The following NEB variants were observed in gnomAD, a reference collection of about 807,000 sequenced individuals.
NEB encodes the protein nebulin.
A neutral mutation model predicts 952.2 loss-of-function variants in NEB; 512 were observed. The observed-to-expected ratio is 0.54, with a 90% confidence interval of 0.50 to 0.58. The LOEUF (loss-of-function observed/expected upper bound fraction) is 0.58, where lower values mean the gene tolerates loss of function less well. NEB is among the 20% of genes least tolerant of loss of function. NEB has a pLI of 0.00. For synonymous variants in NEB, 2,900 were observed against 3,149.8 expected, an observed-to-expected ratio of 0.92 and a Z score of 2.66; for missense variants, 8,428 against 9,231.1, an observed-to-expected ratio of 0.91 and a Z score of 3.56.
chr2:151,634,689 C>G (rs1289082607), intron 64 of NEB, among the ~76,000 whole-genome samples: 1 of 151,678 alleles, frequency 6.6e-6, no homozygotes, highest in East Asian at 1.9e-4. Flanking sequence ...GTGACTGATT[C>G]CTGTAAGGAT....
intron 69 of NEB, 55 bp downstream of exon 69, chr2:151,627,468 G>A (rs1270891965): frequency 1.3e-6 from 2 of 1,586,968 alleles, no homozygotes; most frequent in African/African-American, 1.3e-5. Context: ...CACTGTCTCA[G>A]TATTTCTATG....
At chr2:151,716,245 T>C in intron 10 of NEB, 1 of 339,288 alleles carries the variant, frequency 2.9e-6, no homozygotes, top group Non-Finnish European at 5.7e-6. Flanking sequence ...ATCAAGTGAT[T>C]CTCCTGCCTC....
Position 151,733,114 on chromosome 2 carries a change from A to C in NEB, c.36+7T>G. The C allele has an allele frequency of 6.3e-7, 1 of 1,599,794 alleles. No homozygotes were observed. On this transcript the variant is annotated splice_region_variant and intron_variant, in intron 3 of 181. Coordinates refer to ENST00000397345, the MANE Select transcript of NEB (RefSeq NM_001164508.2). Reference sequence around the variant, plus strand: ...TTTGCTGTCAGTGTTTTTTTTTTAAATCTTACCTCCACCACCTCCTCATAG... The same window carrying C: ...TTTGCTGTCAGTGTTTTTTTTTTAACTCTTACCTCCACCACCTCCTCATAG...
chr2:151,526,498 G>A (rs1168332013), intron 148 of NEB, among the ~76,000 whole-genome samples: 12 of 152,034 alleles, frequency 7.9e-5, no homozygotes, highest in East Asian at 3.9e-4. Context: ...TCACACTTAC[G>A]TTCACAGCAC....
intron 169 of NEB, 26 bp from the exon 170 acceptor site, chr2:151,498,378 C>A: frequency 2.7e-6 from 4 of 1,472,800 alleles, no homozygotes; most frequent in Admixed American, 4.2e-5. Context: ...GCATCCAGAA[C>A]AAAAAAAGCA....
chr2:151,648,845 T>C (rs2098995982), intron 54 of NEB, among the ~76,000 whole-genome samples: 1 of 152,204 alleles, frequency 6.6e-6, no homozygotes, highest in African/African-American at 2.4e-5. Context: ...AAAATGCTAT[T>C]ATTATTTACA....
At chr2:151,693,669 T>C (rs1045899217) in intron 20 of NEB, among the ~76,000 whole-genome samples, 4 of 152,206 alleles carry the variant, frequency 2.6e-5, no homozygotes, top group Admixed American at 6.5e-5. Flanking sequence ...TCTATCGTTG[T>C]TGATTCCTTG....
At chr2:151,616,852 C>T (rs534852023) in intron 75 of NEB, among the ~76,000 whole-genome samples, 305 of 152,204 alleles carry the variant, frequency 2.0e-3, no homozygotes, top group Admixed American at 6.5e-3. Context: ...CTTATTTTTT[C>T]TTATTTTGCT....
In NEB at chr2:151,692,059, A is replaced by G. The variant is rs2099555708; in HGVS notation, c.2106T>C (p.Asp702=). ...CATGAACCATTGTCTTCAAACTTACATCACTGTTTTGAGCTGCAACTTTCA... is the reference window on the plus strand; with the variant it reads ...CATGAACCATTGTCTTCAAACTTACGTCACTGTTTTGAGCTGCAACTTTCA... ...HCMKVAAQNS[D]KSYKAEYEED... is the part of the protein sequence containing the mutation. The change falls in exon 22 of 182, where the codon GAT becomes GAC. Residue 702 remains aspartate, a splice_region_variant and synonymous_variant. Transcript: ENST00000397345. 6.2e-7 allele frequency: 1 copy of G among 1,613,496 alleles called. No homozygotes were observed. The highest frequency in any genetic ancestry group is 8.5e-7 in the Non-Finnish European group (1 of 1,179,418).
intron 161 of NEB, among the ~76,000 whole-genome samples, chr2:151,510,644 ATTG>A (rs2073473932): frequency 6.6e-6 from 1 of 152,188 alleles, no homozygotes; most frequent in Admixed American, 6.5e-5. Flanking sequence ...TATTGTTATA[ATTG>A]TTCTATTTTA....
intron 9 of NEB, among the ~76,000 whole-genome samples, chr2:151,717,900 C>G (rs1157879440): frequency 6.8e-6 from 1 of 146,032 alleles, no homozygotes; most frequent in African/African-American, 2.5e-5. Context: ...GTTGCCCAGG[C>G]TGGAATGCAG....
At chr2:151,591,787 T>G (rs2153869861) in intron 95 of NEB, among the ~76,000 whole-genome samples, 1 of 152,428 alleles carries the variant, frequency 6.6e-6, no homozygotes, top group Non-Finnish European at 1.5e-5. Context: ...GGTATTACTC[T>G]ACGTGTATCT....
intron 24 of NEB, 122 bp downstream of exon 24, chr2:151,690,605 C>A (rs1351278984): frequency 5.1e-6 from 4 of 777,928 alleles, no homozygotes; most frequent in Non-Finnish European, 6.6e-6. Flanking sequence ...TTAAACAAAT[C>A]TTGAAAAATA....
chr2:151,555,186 C>T lies in NEB; in HGVS notation c.19315-142G>A, dbSNP rs896905960. The stretch of plus-strand genomic sequence containing the variant: ...GACAACACTTCTCTGAACTCATTTC[C>T]CCACCTGTACAGAGAGATACAGCAG... On this transcript the variant is annotated intron_variant, in intron 124 of 181. Coordinates refer to ENST00000397345, the MANE Select transcript of NEB (RefSeq NM_001164508.2). 23 of 631,928 alleles carry T rather than the reference C, an allele frequency of 3.6e-5. No individual in the cohort carries two copies. In the Middle Eastern group the frequency reaches 1.5e-3, roughly 42 times the overall value. The allele number at this position is 631,928 out of a possible 1,614,324, so 39.1% of individuals were successfully genotyped here.
intron 105 of NEB, among the ~76,000 whole-genome samples, chr2:151,578,824 G>A (rs1187473249): frequency 6.6e-6 from 1 of 151,906 alleles, no homozygotes; most frequent in Non-Finnish European, 1.5e-5. Context: ...GCTCACTTCT[G>A]TAATCCCAGA....
chr2:151,729,653 A>C lies in NEB; in HGVS notation c.40T>G (p.Tyr14Asp), dbSNP rs1266356538. The change falls in exon 4 of 182, where the codon TAC becomes GAC. Residue 14 changes from tyrosine to aspartate, a missense_variant. Transcript: ENST00000397345. Reference protein sequence around the residue: ...DEDYEEVVEYYTEEVVYEEVP... With the variant: ...DEDYEEVVEYDTEEVVYEEVP... Reference sequence around the variant, plus strand: ...TCTTCGTAAACCACTTCTTCTGTGTAGTACTGTAAATAGAGCACAAAGGCA... The same window carrying C: ...TCTTCGTAAACCACTTCTTCTGTGTCGTACTGTAAATAGAGCACAAAGGCA... 1.2e-6 allele frequency: 2 copies of C among 1,613,314 alleles called. No individual in the cohort carries two copies.
At chr2:151,547,087 A>T (rs577134008) in intron 133 of NEB, among the ~76,000 whole-genome samples, 1 of 152,294 alleles carries the variant, frequency 6.6e-6, no homozygotes, top group South Asian at 2.1e-4. Flanking sequence ...CAGAGTAGGG[A>T]TGAGTGAGAG....
intron 4 of NEB, among the ~76,000 whole-genome samples, chr2:151,728,203 G>T (rs533225671): frequency 1.1e-4 from 17 of 152,078 alleles, no homozygotes; most frequent in Non-Finnish European, 2.4e-4. Flanking sequence ...TCAAAGTAGT[G>T]GGGGGGAAAT....
rs374440932 is a variant in NEB at position 151,671,092 on chromosome 2, G to C, written c.4437C>G (p.Val1479=). The C allele has an allele frequency of 6.2e-7, 1 of 1,613,880 alleles. No homozygotes were observed. The highest frequency in any genetic ancestry group is 1.3e-5 in the African/African-American group (1 of 74,938). The change falls in exon 38 of 182, where the codon GTC becomes GTG. Residue 1479 remains valine (V), a synonymous_variant. Coordinates refer to ENST00000397345, the MANE Select transcript of NEB (RefSeq NM_001164508.2). ...ERKYRQHPDT[V]KFTSVPDSMG... is the part of the protein sequence containing the mutation. ...TGGAATCAGGCACACTTGTGAACTT[G>C]ACGGTATCTGGGTGCTGTCGATACT...
Sources: allele counts gnomAD v4.1 joint callset (sites outside exome capture counted in the v4.1 genomes callset), GRCh38; gene constraint gnomAD v4.1.1; transcripts MANE v1.5; gene names NCBI Gene and HGNC (gene_info 2026-07-23, HGNC 2026-07-21).